The following IL17RD variants were observed in gnomAD, a reference collection of about 807,000 sequenced individuals.
The protein encoded by IL17RD is interleukin-17 receptor D.
Under a neutral mutation model 80.5 loss-of-function variants are expected in IL17RD, and 52 were observed. The observed-to-expected ratio is 0.65, with a 90% CI of 0.52 to 0.81. The LOEUF (loss-of-function observed/expected upper bound fraction) is 0.81, where lower values mean the gene tolerates loss of function less well. IL17RD is among the 40% of genes least tolerant of loss of function. IL17RD has a pLI of 0.00. For missense variants in IL17RD, 1,024 were observed against 955.1 expected, an observed-to-expected ratio of 1.07 and a Z score of -0.95; for synonymous variants, 416 against 391.8, an observed-to-expected ratio of 1.06 and a Z score of -0.73.
Position 57,143,801 on chromosome 3 carries a change from C to T in IL17RD, c.126+21360G>A, listed in dbSNP as rs952581746. Among the ~76,000 whole-genome samples the T allele has an allele frequency of 5.9e-5, 9 of 152,266 alleles. No individual in the cohort carries two copies. In the East Asian group the frequency reaches 7.7e-4, roughly 13 times the overall value. ...GATGTTCGGGTGGAAGAGACACACC[C>T]GGCTTTTCTGAGTGAAGGCGAGGGG... On this transcript the variant is annotated intron_variant, in intron 1 of 12. Transcript: ENST00000296318.
chr3:57,166,373 A>G (rs986674815), upstream of IL17RD, among the ~76,000 whole-genome samples: 1 of 152,148 alleles, frequency 6.6e-6, no homozygotes, highest in African/African-American at 2.4e-5. Flanking sequence ...ACTTATCCCA[A>G]TTAAAACTCT....
intron 1 of IL17RD, among the ~76,000 whole-genome samples, chr3:57,148,019 T>C (rs867902440): frequency 3.8e-5 from 5 of 130,876 alleles, no homozygotes; most frequent in Admixed American, 9.9e-5. Context: ...CAAGTTTTCA[T>C]ATAAAAAATA....
At chr3:57,169,301 C>T (rs749598302), upstream of IL17RD, 15 of 510,038 alleles carry the variant, frequency 2.9e-5, no homozygotes, top group African/African-American at 2.5e-4. Context: ...AGGTGGCTGT[C>T]ATCTGATTCA....
intron 1 of IL17RD, among the ~76,000 whole-genome samples, chr3:57,123,307 G>C (rs146828105): frequency 8.8e-4 from 134 of 152,292 alleles, no homozygotes; most frequent in African/African-American, 3.2e-3. Context: ...TCGCTCCCCT[G>C]CTTTGAGCCC....
Position 57,098,126 on chromosome 3 carries a change from C to T in IL17RD, c.1577G>A (p.Arg526Gln). 1.9e-6 allele frequency: 3 copies of T among 1,613,906 alleles called. No homozygotes were observed. Among genetic ancestry groups the T allele is most frequent in the Non-Finnish European group, 2.5e-6 (3 of 1,179,882 alleles). The change falls in exon 12 of 13, where the codon CGA becomes CAA. Residue 526 changes from arginine to glutamine, a missense_variant. Physicochemically the swap from Arg to Gln is conservative, Grantham distance 43. Coordinates refer to ENST00000296318, the MANE Select transcript of IL17RD (RefSeq NM_017563.5). Reference sequence around the variant, plus strand: ...GAAGTAGTTCCTTCTGCTGCCCTGTCGCGTGTGCTGCCCCGGCTCCTGGAG... The same window carrying T: ...GAAGTAGTTCCTTCTGCTGCCCTGTTGCGTGTGCTGCCCCGGCTCCTGGAG... ...HGLQEPGQHT[R>Q]QGSRRNYFRS... is the part of the protein sequence containing the mutation.
intron 1 of IL17RD, among the ~76,000 whole-genome samples, chr3:57,164,710 G>C (rs1260129296): frequency 2.0e-5 from 3 of 152,202 alleles, no homozygotes; most frequent in Non-Finnish European, 4.4e-5. Context: ...CCGGCCGCCC[G>C]GGCCTTAGCA....
At chr3:57,166,776 T>C (rs1370454423), upstream of IL17RD, among the ~76,000 whole-genome samples, 1 of 152,274 alleles carries the variant, frequency 6.6e-6, no homozygotes, top group Middle Eastern at 3.4e-3. Context: ...CAGGAAACCT[T>C]GGAAATTGTC....
At chr3:57,169,780 A>T (rs2060361781), upstream of IL17RD, among the ~76,000 whole-genome samples, 1 of 152,150 alleles carries the variant, frequency 6.6e-6, no homozygotes. Flanking sequence ...AAGGTTTCCC[A>T]GGCTTTGGAG....
chr3:57,129,878 T>C (rs140428946), intron 1 of IL17RD, among the ~76,000 whole-genome samples: 1 of 152,270 alleles, frequency 6.6e-6, no homozygotes, highest in African/African-American at 2.4e-5. Flanking sequence ...TCCCCCACTT[T>C]CTCTAGGAAG....
At position 57,114,701 on chromosome 3, in the gene IL17RD, C is replaced by T; in HGVS notation, c.301G>A (p.Gly101Arg). The T allele has an allele frequency of 6.2e-7, 1 of 1,610,492 alleles. No individual in the cohort carries two copies. The highest frequency in any genetic ancestry group is 8.5e-7 in the Non-Finnish European group (1 of 1,178,772). Residue 101 changes from glycine to arginine, a missense_variant, in exon 3 of 13, where the codon GGG becomes AGG. By Grantham distance (125) the Gly-to-Arg change is moderately radical. Transcript: ENST00000296318. ...ATTTTTGACCACTCACCGAGGGCCCCTGGGGACCAAAGAATGGTGACTGCC... is the reference window on the plus strand; with the variant it reads ...ATTTTTGACCACTCACCGAGGGCCCTTGGGGACCAAAGAATGGTGACTGCC... ...QVAVTILWSP[G>R]ALGIEFLKGF...
chr3:57,146,037 G>A (rs9873264), intron 1 of IL17RD, among the ~76,000 whole-genome samples: 1,093 of 104,022 alleles, frequency 0.011, 5 homozygotes, highest in African/African-American at 0.023. Flanking sequence ...ACTCACGCGC[G>A]CGCGCGCGCA....
chr3:57,149,128 A>G (rs980161884), intron 1 of IL17RD, among the ~76,000 whole-genome samples: 6 of 152,120 alleles, frequency 3.9e-5, no homozygotes, highest in African/African-American at 1.4e-4. Flanking sequence ...CCTGGCCAAC[A>G]TGGTGAAAAA....
At position 57,097,777 on chromosome 3, in the gene IL17RD, G is replaced by T; in HGVS notation, c.1926C>A (p.Ala642=). The change falls in exon 12 of 13, where the codon GCC becomes GCA. Residue 642 remains alanine, a synonymous_variant. Transcript: ENST00000296318. ...TCACCGTGTGCAGCAGGGGTTGCAG[G>T]GCGGCGCTACCGTCAAGGGCAGGCC... The part of the protein sequence containing the change: ...EARPALDGSA[A]LQPLLHTVKA... 1.2e-6 allele frequency: 2 copies of T among 1,603,148 alleles called. No individual in the cohort carries two copies. The highest frequency in any genetic ancestry group is 1.7e-6 in the Non-Finnish European group (2 of 1,174,424).
At chr3:57,150,454 C>T (rs1464526904) in intron 1 of IL17RD, 1 of 152,184 alleles carries the variant, frequency 6.6e-6, no homozygotes, top group Non-Finnish European at 1.5e-5. Flanking sequence ...CAAGGATTCT[C>T]ATCTTAATCC....
chr3:57,127,580 A>G (rs1473712963), intron 1 of IL17RD, among the ~76,000 whole-genome samples: 2 of 150,166 alleles, frequency 1.3e-5, no homozygotes, highest in Non-Finnish European at 3.0e-5. Context: ...TAATTTTTGT[A>G]TTTTTAGTAG....
rs1249230270 is a variant in IL17RD, at chr3:57,154,852, A to AGTG, written c.126+10306_126+10308dup. ...TTTGTAAGCCACAGGAGCTATCTTT[A>AGTG]GTGAAGCCTTCTAAGGATTTCATTA... On this transcript the variant is annotated intron_variant, in intron 1 of 12. Coordinates refer to ENST00000296318, the MANE Select transcript of IL17RD (RefSeq NM_017563.5). Among the ~76,000 whole-genome samples, 5 of 152,310 alleles carry AGTG rather than the reference A, an allele frequency of 3.3e-5. No homozygotes were observed. In the East Asian group the frequency reaches 9.6e-4, roughly 29 times the overall value.
chr3:57,132,408 C>T (rs1707629880), intron 1 of IL17RD, among the ~76,000 whole-genome samples: 1 of 152,026 alleles, frequency 6.6e-6, no homozygotes, highest in African/African-American at 2.4e-5. Flanking sequence ...TGCAGTGAGC[C>T]GAGATCGCAC....
intron 2 of IL17RD, among the ~76,000 whole-genome samples, chr3:57,116,926 T>C (rs1044711075): frequency 6.7e-6 from 1 of 149,766 alleles, no homozygotes; most frequent in African/African-American, 2.4e-5. Context: ...CCTGTCATAC[T>C]TGTAAAGTTC....
Position 57,114,808 on chromosome 3 carries a change from G to A in IL17RD, c.194C>T (p.Thr65Ile), listed in dbSNP as rs1707176646. Residue 65 changes from threonine to isoleucine, a missense_variant, in exon 3 of 13, where the codon ACC (threonine) becomes ATC (isoleucine). Coordinates refer to ENST00000296318, the MANE Select transcript of IL17RD (RefSeq NM_017563.5). ...NITFKYDNCT[T>I]YLNPVGKHVI... ...ATGCTTCCCCACTGGATTCAAGTAG[G>A]TGGTACAATCTAGAGAGTAGGGAGA... The A allele has an allele frequency of 6.2e-7, 1 of 1,602,086 alleles. No homozygotes were observed. The highest frequency in any genetic ancestry group is 1.8e-5 in the Admixed American group (1 of 57,054).
Sources: gnomAD v4.1 joint callset for allele counts (sites outside exome capture counted in the v4.1 genomes callset) on GRCh38, gnomAD v4.1.1 for gene constraint, MANE v1.5 for transcripts, NCBI Gene and HGNC (gene_info 2026-07-23, HGNC 2026-07-21) for gene names.